Variants in ROM1 observed in about 807,000 individuals in gnomAD.
ROM1 encodes the protein retinal outer segment membrane protein 1.
Under a neutral mutation model 23.0 loss-of-function variants are expected in ROM1, and 17 were observed. The ratio of observed to expected loss-of-function variants is 0.74; its 90% confidence interval spans 0.51 to 1.11. The LOEUF (loss-of-function observed/expected upper bound fraction) is 1.11, where lower values mean the gene tolerates loss of function less well. Among genes scored for constraint, ROM1 ranks in the 50% least tolerant of loss-of-function variants. The pLI is 0.00. For missense variants in ROM1, 436 were observed against 439.7 expected (o/e 0.99, Z 0.08); for synonymous variants, 200 against 206.5 (o/e 0.97, Z 0.27).
Position 62,614,746 on chromosome 11 carries a change from A to G in ROM1, c.963A>G (p.Thr321=), listed in dbSNP as rs1435997102. 3 of 1,614,096 alleles carry G rather than the reference A, an allele frequency of 1.9e-6. No individual in the cohort carries two copies. Among genetic ancestry groups the G allele is most frequent in the Non-Finnish European group, 1.7e-6 (2 of 1,180,038 alleles). Residue 321 remains threonine, a synonymous_variant, in exon 3 of 3, where the codon ACA becomes ACG. Coordinates refer to ENST00000278833, the MANE Select transcript of ROM1 (RefSeq NM_000327.4). ...GTGGGCTGAAAGATATGCTGAAAAC[A>G]GCATGGCTACAGGGAGGGGTTGCCT... ...FPSGLKDMLK[T]AWLQGGVACR...
chr11:62,614,329 C>A lies in ROM1; in HGVS notation c.662C>A (p.Ser221Ter). ...CCTTTCTCCTGTTGCAACCCCCACT[C>A]ACCCCGGCCTTGCCTGCAAAACCGT... is the stretch of plus-strand genomic sequence containing the variant. ...GVPFSCCNPHSPRPCLQNRLS... is the reference protein window; with the variant it reads ...GVPFSCCNPH Residue 221 changes from serine to a stop codon, truncating the protein, a stop_gained, in exon 2 of 3, where the codon TCA becomes TAA. Coordinates refer to ENST00000278833, the MANE Select transcript of ROM1 (RefSeq NM_000327.4). LOFTEE classifies it high-confidence loss of function. The A allele has an allele frequency of 6.2e-7, 1 of 1,614,106 alleles. No individual in the cohort carries two copies. The highest frequency in any genetic ancestry group is 8.5e-7 in the Non-Finnish European group (1 of 1,179,988).
chr11:62,613,588 C>CT lies in ROM1; in HGVS notation c.308dup (p.Leu104AlafsTer28). The stretch of plus-strand genomic sequence containing the variant: ...TCCCTGGCGAGGGGTCCTGGGCCCG[C>CT]TGCTGGTGGCTGGCACGGCTGGTGG... On this transcript the variant is annotated frameshift_variant, in exon 1 of 3. Coordinates refer to ENST00000278833, the MANE Select transcript of ROM1 (RefSeq NM_000327.4). LOFTEE classifies it high-confidence loss of function. The CT allele has an allele frequency of 6.2e-7, 1 of 1,613,286 alleles. No homozygotes were observed. Among genetic ancestry groups the CT allele is most frequent in the Non-Finnish European group, 8.5e-7 (1 of 1,179,642 alleles).
At position 62,613,813 on chromosome 11, in the gene ROM1, T is replaced by C. The variant is rs766574080; in HGVS notation, c.532T>C (p.Phe178Leu). Residue 178 changes from phenylalanine to leucine, a missense_variant, in exon 1 of 3, where the codon TTT becomes CTT. Transcript: ENST00000278833. Reference protein sequence around the residue: ...CCGRHGYKDWFGVQWVSSRYL... With the variant: ...CCGRHGYKDWLGVQWVSSRYL... ...CGGGCGCCACGGGTACAAGGATTGG[T>C]TTGGGGTCCAGTGGGTCAGCAGCCG... 6.2e-6 allele frequency: 10 copies of C among 1,614,130 alleles called. No individual in the cohort carries two copies. Among genetic ancestry groups the C allele is most frequent in the African/African-American group, 5.3e-5 (4 of 75,038 alleles).
chr11:62,613,272 GAGATGGGAGA>G lies in ROM1; in HGVS notation c.-9_1del, dbSNP rs745852830. ...TGACACCTCTGCATTCCCTTGGGCAGAGATGGGAGATGGCGCCGGTGTTGCCCCTGGTGCT... is the reference window on the plus strand; with the variant it reads ...TGACACCTCTGCATTCCCTTGGGCAGTGGCGCCGGTGTTGCCCCTGGTGCT... On this transcript the variant is annotated start_lost and 5_prime_UTR_variant, in exon 1 of 3. Transcript: ENST00000278833. 12 of 1,590,448 alleles carry G rather than the reference GAGATGGGAGA, an allele frequency of 7.5e-6. No individual in the cohort carries two copies. In the South Asian group the frequency reaches 1.4e-4, roughly 18 times the overall value.
At position 62,614,255 on chromosome 11, in the gene ROM1, C is replaced by A; in HGVS notation, c.591-3C>A. The A allele has an allele frequency of 6.2e-7, 1 of 1,614,096 alleles. No individual in the cohort carries two copies. Among genetic ancestry groups the A allele is most frequent in the Non-Finnish European group, 8.5e-7 (1 of 1,179,986 alleles). On this transcript the variant is annotated splice_polypyrimidine_tract_variant and splice_region_variant and intron_variant, in intron 1 of 2. Transcript: ENST00000278833. ...CCTAACCCCTCTGTCCCTCCCTTTG[C>A]AGCCGGATCCAGAGCAATGTAGAAG...
chr11:62,613,429 G>A lies in ROM1; in HGVS notation c.148G>A (p.Gly50Ser), dbSNP rs141126730. ...GHLLVQLRHL[G>S]TFLAPSCQFP... ...CCTCCTGGTCCAGCTAAGGCACCTTGGCACCTTCCTGGCTCCCTCCTGTCA... is the reference window on the plus strand; with the variant it reads ...CCTCCTGGTCCAGCTAAGGCACCTTAGCACCTTCCTGGCTCCCTCCTGTCA... The change falls in exon 1 of 3, where the codon GGC becomes AGC. Residue 50 changes from glycine (G) to serine (S), a missense_variant. Physicochemically the swap from Gly to Ser is moderately conservative, Grantham distance 56. Coordinates refer to ENST00000278833, the MANE Select transcript of ROM1 (RefSeq NM_000327.4). 5.0e-6 allele frequency: 8 copies of A among 1,613,134 alleles called. No individual in the cohort carries two copies. In the African/African-American group the frequency reaches 9.3e-5, roughly 19 times the overall value.
chr11:62,613,301 T>C lies in ROM1; in HGVS notation c.20T>C (p.Leu7Pro). 1 of 1,608,802 alleles carries C rather than the reference T, an allele frequency of 6.2e-7. No individual in the cohort carries two copies. The highest frequency in any genetic ancestry group is 1.1e-5 in the South Asian group (1 of 90,284). The change falls in exon 1 of 3, where the codon CTG becomes CCG. Residue 7 changes from leucine (L) to proline (P), a missense_variant. Transcript: ENST00000278833. MAPVLPLVLPLQPRIRL... is the reference protein window; with the variant it reads MAPVLPPVLPLQPRIRL... The stretch of plus-strand genomic sequence containing the variant: ...TGGGAGATGGCGCCGGTGTTGCCCC[T>C]GGTGCTGCCCCTGCAGCCCCGCATC...
In ROM1 at chr11:62,614,643, G is replaced by T. The variant is rs774261514; in HGVS notation, c.860G>T (p.Arg287Leu). The change falls in exon 3 of 3, where the codon CGG (arginine) becomes CTG (leucine). Residue 287 changes from arginine (R) to leucine (L), a missense_variant. Coordinates refer to ENST00000278833, the MANE Select transcript of ROM1 (RefSeq NM_000327.4). ...LLQALVLLGLRYLQTALEGLG... is the reference protein window; with the variant it reads ...LLQALVLLGLLYLQTALEGLG... ...CAGGCTCTGGTGCTCCTTGGCCTGC[G>T]GTACCTGCAAACAGCACTGGAGGGG... The T allele has an allele frequency of 6.2e-7, 1 of 1,614,114 alleles. No individual in the cohort carries two copies. Among genetic ancestry groups the T allele is most frequent in the South Asian group, 1.1e-5 (1 of 91,082 alleles).
chr11:62,613,479 C>T lies in ROM1; in HGVS notation c.198C>T (p.Ala66=). Residue 66 remains alanine (A), a synonymous_variant, in exon 1 of 3, where the codon GCC becomes GCT. Coordinates refer to ENST00000278833, the MANE Select transcript of ROM1 (RefSeq NM_000327.4). ...SCQFPVLPQA[A]LAAGAVALGT... ...AGTTCCCTGTCCTGCCCCAGGCTGC[C>T]CTGGCAGCGGGCGCGGTGGCTCTGG... The T allele has an allele frequency of 6.2e-7, 1 of 1,613,538 alleles. No homozygotes were observed. Among genetic ancestry groups the T allele is most frequent in the Non-Finnish European group, 8.5e-7 (1 of 1,179,720 alleles).
In ROM1 at chr11:62,613,820, T is replaced by C; in HGVS notation, c.539T>C (p.Val180Ala). 3 of 1,614,022 alleles carry C rather than the reference T, an allele frequency of 1.9e-6. No homozygotes were observed. The highest frequency in any genetic ancestry group is 2.5e-6 in the Non-Finnish European group (3 of 1,179,956). Residue 180 changes from valine to alanine, a missense_variant, in exon 1 of 3, where the codon GTC (valine) becomes GCC (alanine). By Grantham distance (64) the Val-to-Ala change is moderately conservative. Coordinates refer to ENST00000278833, the MANE Select transcript of ROM1 (RefSeq NM_000327.4). ...CACGGGTACAAGGATTGGTTTGGGG[T>C]CCAGTGGGTCAGCAGCCGTTACCTG... Reference protein sequence around the residue: ...GRHGYKDWFGVQWVSSRYLDP... With the variant: ...GRHGYKDWFGAQWVSSRYLDP...
chr11:62,613,481 TG>T lies in ROM1; in HGVS notation c.202del (p.Ala68GlnfsTer11). ...TTCCCTGTCCTGCCCCAGGCTGCCC[TG>T]GCAGCGGGCGCGGTGGCTCTGGGCA... is the stretch of plus-strand genomic sequence containing the variant. Reference protein sequence around the residue: ...CQFPVLPQAALAAGAVALGTG... With the variant: ...CQFPVLPQAAXAAGAVALGTG... On this transcript the variant is annotated frameshift_variant, in exon 1 of 3. Transcript: ENST00000278833. LOFTEE classifies it high-confidence loss of function. The T allele has an allele frequency of 6.2e-7, 1 of 1,613,560 alleles. No individual in the cohort carries two copies. Among genetic ancestry groups the T allele is most frequent in the Non-Finnish European group, 8.5e-7 (1 of 1,179,712 alleles).
rs1390780401 is a variant in ROM1, at chr11:62,613,420, AGGCACCTT to A, written c.148_155del (p.Gly50ProfsTer79). The A allele has an allele frequency of 1.2e-6, 2 of 1,613,426 alleles. No individual in the cohort carries two copies. Among genetic ancestry groups the A allele is most frequent in the Non-Finnish European group, 1.7e-6 (2 of 1,179,704 alleles). ...TAGTGGGCACCTCCTGGTCCAGCTAAGGCACCTTGGCACCTTCCTGGCTCCCTCCTGTC... is the reference window on the plus strand; with the variant it reads ...TAGTGGGCACCTCCTGGTCCAGCTAAGGCACCTTCCTGGCTCCCTCCTGTC... On this transcript the variant is annotated frameshift_variant, in exon 1 of 3. Transcript: ENST00000278833. LOFTEE classifies it high-confidence loss of function.
intron 1 of ROM1, 73 bp downstream of exon 1, chr11:62,613,944 C>T: frequency 3.1e-6 from 5 of 1,605,654 alleles, no homozygotes; most frequent in Non-Finnish European, 3.4e-6. Flanking sequence ...CTTGAATCCC[C>T]ACCTCGCTCA....
In ROM1 at chr11:62,613,717, G is replaced by A; in HGVS notation, c.436G>A (p.Asp146Asn). 1 of 1,614,210 alleles carries A rather than the reference G, an allele frequency of 6.2e-7. No homozygotes were observed. The highest frequency in any genetic ancestry group is 8.5e-7 in the Non-Finnish European group (1 of 1,180,034). ...GLVTALAHYK[D>N]TEVPGHCQAK... ...GGTGACTGCCTTGGCTCACTACAAG[G>A]ACACAGAGGTGCCTGGGCACTGTCA... Residue 146 changes from aspartate (D) to asparagine (N), a missense_variant, in exon 1 of 3, where the codon GAC becomes AAC. By Grantham distance (23) the Asp-to-Asn change is conservative. Coordinates refer to ENST00000278833, the MANE Select transcript of ROM1 (RefSeq NM_000327.4).
rs746554322 is a variant in ROM1, at chr11:62,613,290, G to T, written c.9G>T (p.Pro3=). The change falls in exon 1 of 3, where the codon CCG becomes CCT. Residue 3 remains proline, a synonymous_variant. Transcript: ENST00000278833. ...TTGGGCAGAGATGGGAGATGGCGCC[G>T]GTGTTGCCCCTGGTGCTGCCCCTGC... MA[P]VLPLVLPLQP... is the part of the protein sequence containing the mutation. The T allele has an allele frequency of 2.5e-6, 4 of 1,604,546 alleles. No individual in the cohort carries two copies. The highest frequency in any genetic ancestry group is 2.2e-5 in the East Asian group (1 of 44,574).
rs767766759 is a variant in ROM1, at chr11:62,613,838, GT to G, written c.559del (p.Tyr187ThrfsTer17). On this transcript the variant is annotated frameshift_variant, in exon 1 of 3. Transcript: ENST00000278833. LOFTEE classifies it high-confidence loss of function. ...DWFGVQWVSS[R>X]YLDPGDRDVA... Reference sequence around the variant, plus strand: ...TTTGGGGTCCAGTGGGTCAGCAGCCGTTACCTGGATCCCGGTGACCGGGATG... The same window carrying G: ...TTTGGGGTCCAGTGGGTCAGCAGCCGTACCTGGATCCCGGTGACCGGGATG... 1 of 1,614,074 alleles carries G rather than the reference GT, an allele frequency of 6.2e-7. No individual in the cohort carries two copies. The highest frequency in any genetic ancestry group is 2.2e-5 in the East Asian group (1 of 44,864).
Position 62,614,612 on chromosome 11 carries a change from C to T in ROM1, c.838-9C>T, listed in dbSNP as rs765874505. The T allele has an allele frequency of 6.2e-7, 1 of 1,614,236 alleles. No individual in the cohort carries two copies. Among genetic ancestry groups the T allele is most frequent in the Non-Finnish European group, 8.5e-7 (1 of 1,180,022 alleles). On this transcript the variant is annotated splice_polypyrimidine_tract_variant and intron_variant, in intron 2 of 2. Transcript: ENST00000278833. The stretch of plus-strand genomic sequence containing the variant: ...TCTCCCTGACTCTTTCCCCTTGCTT[C>T]CCCCACAGGCTCTGGTGCTCCTTGG...
chr11:62,613,602 C>A lies in ROM1; in HGVS notation c.321C>A (p.Gly107=), dbSNP rs201399640. ...TCCTGGGCCCGCTGCTGGTGGCTGG[C>A]ACGGCTGGTGGGGGGGGGCTCCTGG... The part of the protein sequence containing the change: ...RGVLGPLLVA[G]TAGGGGLLVV... The change falls in exon 1 of 3, where the codon GGC becomes GGA. Residue 107 remains glycine (G), a synonymous_variant. Transcript: ENST00000278833. 2 of 1,612,422 alleles carry A rather than the reference C, an allele frequency of 1.2e-6. No individual in the cohort carries two copies. The highest frequency in any genetic ancestry group is 4.5e-5 in the East Asian group (2 of 44,868).
rs948183040 is a variant in ROM1, at chr11:62,613,963, A to G, written c.590+92A>G. 4.4e-6 allele frequency: 7 copies of G among 1,592,484 alleles called. No individual in the cohort carries two copies. The African/African-American group carries it at 8.1e-5, about 18-fold the overall frequency. ...AATCCCCACCTCGCTCAGAGGGGCA[A>G]TAAGTAGAACATAGTGGCTGAGAGA... On this transcript the variant is annotated intron_variant, in intron 1 of 2. Coordinates refer to ENST00000278833, the MANE Select transcript of ROM1 (RefSeq NM_000327.4).
Sources: allele counts gnomAD v4.1 joint callset, GRCh38; gene constraint gnomAD v4.1.1; transcripts MANE v1.5; gene names NCBI Gene and HGNC (gene_info 2026-07-23, HGNC 2026-07-21).